BCHE: variants seen among roughly 807,000 people sequenced by gnomAD.
BCHE encodes the protein butyrylcholinesterase, also known as cholinesterase.
BCHE carries 48 observed loss-of-function variants against 51.3 expected under a neutral mutation model. The observed-to-expected ratio is 0.94, with a 90% CI of 0.74 to 1.19. The LOEUF (loss-of-function observed/expected upper bound fraction) is 1.19. Among genes scored for constraint, BCHE ranks in the 50% most tolerant of loss-of-function variants. The pLI is 0.00. For synonymous variants in BCHE, 251 were observed against 238.0 expected, an observed-to-expected ratio of 1.05 and a Z score of -0.50; for missense variants, 847 against 708.2, an observed-to-expected ratio of 1.20 and a Z score of -2.23.
chr3:165,824,336 A>C (rs546605625), intron 2 of BCHE, among the ~76,000 whole-genome samples: 35 of 152,136 alleles, frequency 2.3e-4, no homozygotes, highest in African/African-American at 7.9e-4. Flanking sequence ...CTTTCAATAG[A>C]AGCAGAAAGA....
At chr3:165,835,665 A>G (rs2108239709) in intron 1 of BCHE, among the ~76,000 whole-genome samples, 1 of 152,044 alleles carries the variant, frequency 6.6e-6, no homozygotes, top group African/African-American at 2.4e-5. Context: ...TAAATAGACT[A>G]CATCACTGTC....
intron 3 of BCHE, among the ~76,000 whole-genome samples, chr3:165,785,864 T>C (rs1712926821): frequency 6.6e-6 from 1 of 151,830 alleles, no homozygotes; most frequent in East Asian, 1.9e-4. Flanking sequence ...AGTAGGGCTC[T>C]ATTTTAGTTT....
chr3:165,789,078 G>T (rs1713070866), intron 2 of BCHE, among the ~76,000 whole-genome samples: 1 of 151,970 alleles, frequency 6.6e-6, no homozygotes, highest in African/African-American at 2.4e-5. Context: ...TAAACATCTT[G>T]ACTTTGCTAT....
chr3:165,802,797 C>CGTG (rs898087053), intron 2 of BCHE, among the ~76,000 whole-genome samples: 2 of 151,794 alleles, frequency 1.3e-5, no homozygotes, highest in Admixed American at 1.3e-4. Context: ...GCTGGAGTAC[C>CGTG]GTGGCGCGAT....
chr3:165,780,829 C>A (rs1712667907), intron 3 of BCHE, among the ~76,000 whole-genome samples: 2 of 152,156 alleles, frequency 1.3e-5, no homozygotes. Flanking sequence ...TAAATTAGTT[C>A]AACCATTGTG....
chr3:165,795,499 T>C (rs926077428), intron 2 of BCHE, among the ~76,000 whole-genome samples: 1 of 152,184 alleles, frequency 6.6e-6, no homozygotes, highest in Non-Finnish European at 1.5e-5. Context: ...TGTAAGAGGA[T>C]TATTTGCAAT....
Position 165,837,372 on chromosome 3 carries a change from C to A in BCHE, c.-67G>T. On this transcript the variant is annotated 5_prime_UTR_variant, in exon 1 of 4. Transcript: ENST00000264381. Reference sequence around the variant, plus strand: ...AAGGAGTGAAAATCATGTAATACTTCGGGGAAATGCAGGATGCAGCTGCTG... The same window carrying A: ...AAGGAGTGAAAATCATGTAATACTTAGGGGAAATGCAGGATGCAGCTGCTG... 7 of 1,289,724 alleles carry A rather than the reference C, an allele frequency of 5.4e-6. No individual in the cohort carries two copies. Among genetic ancestry groups the A allele is most frequent in the East Asian group, 5.6e-5 (1 of 18,014 alleles). The allele number at this position is 1,289,724 out of a possible 1,614,324, so 79.9% of individuals were successfully genotyped here. A position where few individuals can be genotyped will look rare whatever the true frequency, so the allele number is the denominator to read the frequency against.
rs1714885071 is a variant in BCHE, at chr3:165,829,932, C to A, written c.1102G>T (p.Asp368Tyr). The A allele has an allele frequency of 1.2e-6, 2 of 1,613,362 alleles. No individual in the cohort carries two copies. Among genetic ancestry groups the A allele is most frequent in the Admixed American group, 1.7e-5 (1 of 59,806 alleles). ...LVYGAPGFSKDNNSIITRKEF... is the reference protein window; with the variant it reads ...LVYGAPGFSKYNNSIITRKEF... ...TTTCTAGTTATGATACTATTGTTATCTTTGCTGAAGCCAGGAGCACCATAG... is the reference window on the plus strand; with the variant it reads ...TTTCTAGTTATGATACTATTGTTATATTTGCTGAAGCCAGGAGCACCATAG... Residue 368 changes from aspartate (D) to tyrosine (Y), a missense_variant, in exon 2 of 4, where the codon GAT becomes TAT. Coordinates refer to ENST00000264381, the MANE Select transcript of BCHE (RefSeq NM_000055.4).
At chr3:165,822,080 C>T (rs1714547731) in intron 2 of BCHE, among the ~76,000 whole-genome samples, 1 of 151,858 alleles carries the variant, frequency 6.6e-6, no homozygotes, top group South Asian at 2.1e-4. Context: ...TGTTAAGTAG[C>T]TTGTGATTTT....
chr3:165,799,927 T>A (rs1014557988), intron 2 of BCHE, among the ~76,000 whole-genome samples: 1 of 152,072 alleles, frequency 6.6e-6, no homozygotes, highest in African/African-American at 2.4e-5. Context: ...ATTTTACTGA[T>A]CATTAGTAAG....
chr3:165,819,562 T>G (rs972920969), intron 2 of BCHE, among the ~76,000 whole-genome samples: 3 of 152,182 alleles, frequency 2.0e-5, no homozygotes, highest in African/African-American at 7.2e-5. Flanking sequence ...TTATATGGTT[T>G]ATACAATGAG....
intron 2 of BCHE, among the ~76,000 whole-genome samples, chr3:165,821,844 G>T (rs1187532591): frequency 2.0e-5 from 3 of 151,766 alleles, no homozygotes; most frequent in Admixed American, 6.6e-5. Context: ...GCATGTAATT[G>T]TCTTACCCAC....
chr3:165,778,623 T>C, intron 3 of BCHE: 1 of 432,870 alleles, frequency 2.3e-6, no homozygotes, highest in South Asian at 1.6e-5. Context: ...TTAAAAGCTT[T>C]CCATGGTCCT....
In BCHE at chr3:165,773,165, A is replaced by G; in HGVS notation, c.*217T>C. 2.1e-6 allele frequency: 1 copy of G among 466,116 alleles called. No homozygotes were observed. Among genetic ancestry groups the G allele is most frequent in the Non-Finnish European group, 3.8e-6 (1 of 262,654 alleles). 28.9% of individuals were successfully genotyped at this position (466,116 alleles called of 1,614,324 possible). ...TAATATGCACATAATTAACTGTAGA[A>G]CTTTATATTGTGAAATTTAATTAAA... On this transcript the variant is annotated 3_prime_UTR_variant, in exon 4 of 4. Coordinates refer to ENST00000264381, the MANE Select transcript of BCHE (RefSeq NM_000055.4).
In BCHE at chr3:165,830,800, G is replaced by C. The variant is rs1269651187; in HGVS notation, c.234C>G (p.Thr78=). 1 of 1,613,692 alleles carries C rather than the reference G, an allele frequency of 6.2e-7. No individual in the cohort carries two copies. Among genetic ancestry groups the C allele is most frequent in the African/African-American group, 1.3e-5 (1 of 74,984 alleles). The change falls in exon 2 of 4, where the codon ACC becomes ACG. Residue 78 remains threonine, a synonymous_variant. Transcript: ENST00000264381. ...RLRFKKPQSL[T]KWSDIWNATK... ...TGGCATTCCAAATATCAGACCACTT[G>C]GTCAGAGACTGTGGCTTTTTGAATC...
chr3:165,774,809 G>A (rs1027491505), intron 3 of BCHE, among the ~76,000 whole-genome samples: 15 of 152,120 alleles, frequency 9.9e-5, no homozygotes, highest in African/African-American at 2.7e-4. Flanking sequence ...TAGGAATAGC[G>A]TGAGGCAGTG....
intron 2 of BCHE, among the ~76,000 whole-genome samples, chr3:165,800,147 G>C (rs553860768): frequency 1.3e-5 from 2 of 151,398 alleles, no homozygotes; most frequent in East Asian, 3.9e-4. Context: ...TACTTTTTTT[G>C]AATCAAAAAT....
chr3:165,829,588 A>C lies in BCHE; in HGVS notation c.1446T>G (p.Asp482Glu), dbSNP rs754736317. The C allele has an allele frequency of 1.9e-6, 3 of 1,613,810 alleles. No homozygotes were observed. The highest frequency in any genetic ancestry group is 2.5e-6 in the Non-Finnish European group (3 of 1,179,864). ...FVFGLPLERR[D>E]NYTKAEEILS... ...AAATTTCCTCGGCTTTTGTGTAATTATCTCTTCTTTCCAGAGGTAAACCAA... is the reference window on the plus strand; with the variant it reads ...AAATTTCCTCGGCTTTTGTGTAATTCTCTCTTCTTTCCAGAGGTAAACCAA... Residue 482 changes from aspartate (D) to glutamate (E), a missense_variant, in exon 2 of 4, where the codon GAT becomes GAG. Physicochemically the swap from Asp to Glu is conservative, Grantham distance 45. Transcript: ENST00000264381.
In BCHE at chr3:165,801,092, A is replaced by G. The variant is rs1192068712; in HGVS notation, c.1518-14781T>C. ...GGCTACAGCTTTCTAGCTTTTGCAA[A>G]CAAACAGAAACGTGAGAAAGATGAA... On this transcript the variant is annotated intron_variant, in intron 2 of 3. Coordinates refer to ENST00000264381, the MANE Select transcript of BCHE (RefSeq NM_000055.4). Among the ~76,000 whole-genome samples the G allele has an allele frequency of 2.0e-5, 3 of 152,206 alleles. No homozygotes were observed. In the East Asian group the frequency reaches 5.8e-4, roughly 29 times the overall value.
Sources: allele counts gnomAD v4.1 joint callset (sites outside exome capture counted in the v4.1 genomes callset), GRCh38; gene constraint gnomAD v4.1.1; transcripts MANE v1.5; gene names NCBI Gene and HGNC (gene_info 2026-07-23, HGNC 2026-07-21).